MYT1L: variants seen among roughly 807,000 people sequenced by gnomAD.
MYT1L encodes the protein myelin transcription factor 1 like.
In MYT1L, 12 loss-of-function variants were observed where a neutral mutation model predicts 126.7. The observed-to-expected ratio is 0.09, with a 90% CI of 0.06 to 0.15. MYT1L has a LOEUF of 0.15. Among genes scored for constraint, MYT1L ranks in the 10% least tolerant of loss-of-function variants. MYT1L has a pLI of 1.00. For missense variants in MYT1L, 979 were observed against 1,585.2 expected (o/e 0.62, Z 6.49); for synonymous variants, 541 against 604.2 (o/e 0.90, Z 1.53).
intron 2 of MYT1L, among the ~76,000 whole-genome samples, chr2:2,256,111 G>C (rs553112266): frequency 6.6e-6 from 1 of 152,084 alleles, no homozygotes; most frequent in African/African-American, 2.4e-5. Context: ...CACTCGCGTC[G>C]GGCCAAAACA....
chr2:2,179,236 C>T (rs137967156), intron 2 of MYT1L, among the ~76,000 whole-genome samples: 2 of 152,308 alleles, frequency 1.3e-5, no homozygotes, highest in South Asian at 4.1e-4. Flanking sequence ...AGTGGTTCTG[C>T]ATCTCATTGA....
chr2:2,191,607 T>C (rs781547768), intron 2 of MYT1L, among the ~76,000 whole-genome samples: 3 of 152,172 alleles, frequency 2.0e-5, no homozygotes, highest in Non-Finnish European at 4.4e-5. Context: ...CTGGTGTGCA[T>C]GTGGACAGTT....
At chr2:2,026,011 G>A (rs1490788498) in intron 4 of MYT1L, among the ~76,000 whole-genome samples, 1 of 152,190 alleles carries the variant, frequency 6.6e-6, no homozygotes, top group Non-Finnish European at 1.5e-5. Context: ...CTTCAAAGTA[G>A]CAGGGCCAGC....
intron 1 of MYT1L, among the ~76,000 whole-genome samples, chr2:2,288,653 A>G (rs1002917765): frequency 6.6e-6 from 1 of 152,226 alleles, no homozygotes; most frequent in African/African-American, 2.4e-5. Context: ...GGTTCTTTTA[A>G]TTATGTTTAA....
intron 4 of MYT1L, among the ~76,000 whole-genome samples, chr2:2,010,494 G>C (rs1018340144): frequency 2.0e-5 from 3 of 151,968 alleles, no homozygotes; most frequent in Non-Finnish European, 4.4e-5. Flanking sequence ...AAGGCACATG[G>C]GAGGTGCCAC....
At chr2:1,822,064 T>A (rs1230379799) in intron 21 of MYT1L, among the ~76,000 whole-genome samples, 1 of 152,190 alleles carries the variant, frequency 6.6e-6, no homozygotes, top group Non-Finnish European at 1.5e-5. Flanking sequence ...AGGTTCTGCA[T>A]GCTCTTCACT....
In MYT1L at chr2:1,892,143, A is replaced by G. The variant is rs2148876763; in HGVS notation, c.2177T>C (p.Met726Thr). Residue 726 changes from methionine (M) to threonine (T), a missense_variant, in exon 15 of 25, where the codon ATG (methionine) becomes ACG (threonine). Around this residue, in one of 12 missense-constraint regions of MYT1L, gnomAD observed 28 missense variants for 66.6 expected, o/e 0.42. Coordinates refer to ENST00000647738, the MANE Select transcript of MYT1L (RefSeq NM_001303052.2). ...GGTGGCCGCCATGTGGGCCGCCTCC[A>G]TGTCGTGCGTGTAGTCGAAGCTGCT... ...SKSSFDYTHD[M>T]EAAHMAATAI... 1 of 1,548,252 alleles carries G rather than the reference A, an allele frequency of 6.5e-7. No homozygotes were observed. Among genetic ancestry groups the G allele is most frequent in the Non-Finnish European group, 8.7e-7 (1 of 1,146,628 alleles).
chr2:2,029,397 C>T (rs1046862052), intron 4 of MYT1L, among the ~76,000 whole-genome samples: 4 of 152,174 alleles, frequency 2.6e-5, no homozygotes, highest in South Asian at 4.1e-4. Context: ...AGCAAAGTCA[C>T]GTCTTACATG....
intron 5 of MYT1L, among the ~76,000 whole-genome samples, chr2:1,990,131 T>C (rs935977387): frequency 4.6e-5 from 7 of 152,226 alleles, no homozygotes; most frequent in Non-Finnish European, 8.8e-5. Flanking sequence ...AAAATCAGTG[T>C]CTTGCAGGAT....
Position 1,979,918 on chromosome 2 carries a change from CA to C in MYT1L, c.1-142del. 1.3e-6 allele frequency: 1 copy of C among 792,746 alleles called. No individual in the cohort carries two copies. Among genetic ancestry groups the C allele is most frequent in the East Asian group, 2.7e-5 (1 of 37,612 alleles). 49.1% of individuals were successfully genotyped at this position (792,746 alleles called of 1,614,324 possible). ...CATGAAGGGAAGCCCTCTACAAGGG[CA>C]GGGGGTAAGACCAGGCAATCTAAAT... On this transcript the variant is annotated intron_variant, in intron 5 of 24. Coordinates refer to ENST00000647738, the MANE Select transcript of MYT1L (RefSeq NM_001303052.2). This position sits in a 1 kb window ranked among gnomAD's most constrained non-coding sequence, Gnocchi z 4.0.
At chr2:2,159,235 C>T in intron 3 of MYT1L, among the ~76,000 whole-genome samples, 1 of 152,268 alleles carries the variant, frequency 6.6e-6, no homozygotes, top group South Asian at 2.1e-4. Flanking sequence ...AGGCAGCATA[C>T]TAGGCAATCC....
intron 3 of MYT1L, among the ~76,000 whole-genome samples, chr2:2,102,599 T>C (rs1472603674): frequency 6.9e-6 from 1 of 145,798 alleles, no homozygotes; most frequent in Non-Finnish European, 1.5e-5. Context: ...CAATGCCTCT[T>C]GGGAATGTGT....
chr2:1,980,231 A>G (rs183573759), intron 5 of MYT1L, among the ~76,000 whole-genome samples: 36 of 147,664 alleles, frequency 2.4e-4, no homozygotes, highest in Admixed American at 1.1e-3. Context: ...TAACATATAT[A>G]TTTTGTATAT....
At chr2:2,020,734 T>C (rs1042801643) in intron 4 of MYT1L, among the ~76,000 whole-genome samples, 1 of 152,272 alleles carries the variant, frequency 6.6e-6, no homozygotes, top group Admixed American at 6.5e-5. Flanking sequence ...TCTTTTGTAA[T>C]GTCTACGTTG....
chr2:2,037,593 T>C (rs949280161), intron 4 of MYT1L, among the ~76,000 whole-genome samples: 1 of 151,564 alleles, frequency 6.6e-6, no homozygotes, highest in Non-Finnish European at 1.5e-5. Flanking sequence ...CCATCTCTAC[T>C]AAAAATACAA....
Position 2,004,023 on chromosome 2 carries a change from C to CTTTCCTGCATGCA in MYT1L, c.-157-6677_-157-6676insTGCATGCAGGAAA, listed in dbSNP as rs2062745431. On this transcript the variant is annotated intron_variant, in intron 4 of 24. Coordinates refer to ENST00000647738, the MANE Select transcript of MYT1L (RefSeq NM_001303052.2). ...CCTGCATGCCTTCTTTCCTGCATGC[C>CTTTCCTGCATGCA]TTCTTTCCTGCATGCATTCTTTCCT... Among the ~76,000 whole-genome samples, 16 of 135,360 alleles carry CTTTCCTGCATGCA rather than the reference C, an allele frequency of 1.2e-4. No individual in the cohort carries two copies. In the East Asian group the frequency reaches 1.6e-3, roughly 13 times the overall value. The allele number at this position is 135,360 out of a possible 152,430, so 88.8% of individuals were successfully genotyped here. A position where few individuals can be genotyped will look rare whatever the true frequency, so the allele number is the denominator to read the frequency against.
chr2:1,931,445 C>T (rs891291134), intron 9 of MYT1L, among the ~76,000 whole-genome samples: 4 of 150,688 alleles, frequency 2.7e-5, no homozygotes, highest in Admixed American at 6.6e-5. Flanking sequence ...ACGTCTGCTG[C>T]GCCTTGCAAG....
intron 2 of MYT1L, among the ~76,000 whole-genome samples, chr2:2,278,852 C>A (rs1316733041): frequency 6.6e-6 from 1 of 152,132 alleles, no homozygotes; most frequent in Non-Finnish European, 1.5e-5. Context: ...CCCTTGAGCC[C>A]AAGGCCACAT....
At chr2:1,991,561 G>A (rs2061457949) in intron 5 of MYT1L, among the ~76,000 whole-genome samples, 2 of 152,122 alleles carry the variant, frequency 1.3e-5, no homozygotes, top group Admixed American at 1.3e-4. Flanking sequence ...TTTTAGGTGT[G>A]AGCCACTGCG....
Sources: gnomAD v4.1 joint callset for allele counts (sites outside exome capture counted in the v4.1 genomes callset) on GRCh38, gnomAD v4.1.1 for gene constraint, gnomAD v4.1.1 regional missense constraint, Gnocchi (gnomAD v3.1) non-coding constraint, MANE v1.5 for transcripts, NCBI Gene and HGNC (gene_info 2026-07-23, HGNC 2026-07-21) for gene names.